Variants in DLG2 observed in about 807,000 individuals in gnomAD.
DLG2 encodes discs large MAGUK scaffold protein 2.
Under a neutral mutation model 132.5 loss-of-function variants are expected in DLG2, and 45 were observed. That is an observed-to-expected ratio of 0.34 (90% CI 0.27 to 0.44). The LOEUF is 0.44. Ranked by LOEUF, DLG2 falls within the 20% of genes least tolerant of loss-of-function variation. The probability of loss-of-function intolerance (pLI) is 1.00; values close to 1 mark genes in which losing one functional copy is unlikely to be tolerated. For synonymous variants in DLG2, 424 were observed against 419.6 expected, an observed-to-expected ratio of 1.01 and a Z score of -0.13; for missense variants, 1,045 against 1,196.9, an observed-to-expected ratio of 0.87 and a Z score of 1.87.
At chr11:85,405,411 G>C (rs979837482) in intron 3 of DLG2, among the ~76,000 whole-genome samples, 6 of 151,872 alleles carry the variant, frequency 4.0e-5, no homozygotes, top group Non-Finnish European at 8.8e-5. Context: ...AACAGTTAAA[G>C]ACCTAAAAAT....
rs558209562 is a variant in DLG2, at chr11:85,115,035, C to G, written c.283-3300G>C. ...AAAGCAGAGTAAGAGCTGAAAGGTT[C>G]TGTTGTTCTACTGTTCACAGTAAAA... is the stretch of plus-strand genomic sequence containing the variant. On this transcript the variant is annotated intron_variant, in intron 5 of 27. Transcript: ENST00000376104. Among the ~76,000 whole-genome samples, 10 of 151,944 alleles carry G rather than the reference C, an allele frequency of 6.6e-5. No homozygotes were observed. The East Asian group carries it at 1.9e-3, about 29-fold the overall frequency.
intron 6 of DLG2, among the ~76,000 whole-genome samples, chr11:84,600,748 A>G (rs903856022): frequency 6.6e-6 from 1 of 152,178 alleles, no homozygotes; most frequent in Non-Finnish European, 1.5e-5. Context: ...ATTTTTGGGT[A>G]TTTCTTGGAT....
chr11:83,787,582 A>C (rs1271503292), intron 17 of DLG2, among the ~76,000 whole-genome samples: 3 of 151,908 alleles, frequency 2.0e-5, no homozygotes, highest in Non-Finnish European at 2.9e-5. Context: ...CGGCCTCCCA[A>C]AGTGCTGGGA....
At position 83,646,401 on chromosome 11, in the gene DLG2, A is replaced by G. The variant is rs375638715; in HGVS notation, c.1826-13076T>C. ...AGGAAGGAAGGAAGGGAGGGAGGGA[A>G]AGAGAAAGGGAAAGAAGGAAGGAAA... On this transcript the variant is annotated intron_variant, in intron 18 of 27. Transcript: ENST00000376104. Among the ~76,000 whole-genome samples, 36 of 151,842 alleles carry G rather than the reference A, an allele frequency of 2.4e-4. No individual in the cohort carries two copies. In the East Asian group the frequency reaches 6.8e-3, roughly 29 times the overall value.
chr11:84,403,071 A>G (rs1048372278), intron 7 of DLG2, among the ~76,000 whole-genome samples: 2 of 151,686 alleles, frequency 1.3e-5, no homozygotes, highest in African/African-American at 4.9e-5. Context: ...TTAATATCTG[A>G]TATTTCACCA....
intron 3 of DLG2, among the ~76,000 whole-genome samples, chr11:85,529,460 T>A (rs1816302191): frequency 6.6e-6 from 1 of 152,186 alleles, no homozygotes; most frequent in Admixed American, 6.5e-5. Flanking sequence ...TTTATCTTGT[T>A]CACTTGCTAC....
intron 4 of DLG2, among the ~76,000 whole-genome samples, chr11:85,272,455 C>G: frequency 6.6e-6 from 1 of 152,184 alleles, no homozygotes; most frequent in Non-Finnish European, 1.5e-5. Flanking sequence ...TCTGGAAACT[C>G]AGGCAGAAAT....
At position 85,220,637 on chromosome 11, in the gene DLG2, A is replaced by AAT. The variant is rs1554992640; in HGVS notation, c.186+64581_186+64582dup. Among the ~76,000 whole-genome samples, 200 of 148,310 alleles carry AAT rather than the reference A, an allele frequency of 1.3e-3. 1 individual carries two copies. The highest frequency in any genetic ancestry group is 4.4e-3 in the East Asian group (22 of 5,048). ...GTTTATTATATCAAATAGAAAAAAA[A>AAT]ATATATATATATATATAACTTTATT... is the stretch of plus-strand genomic sequence containing the variant. On this transcript the variant is annotated intron_variant, in intron 4 of 27. Transcript: ENST00000376104.
At chr11:85,316,972 G>C (rs1347146956) in intron 3 of DLG2, among the ~76,000 whole-genome samples, 1 of 151,840 alleles carries the variant, frequency 6.6e-6, no homozygotes, top group East Asian at 1.9e-4. Flanking sequence ...ATACAACATA[G>C]CACAACTGGG....
At chr11:85,419,838 T>C (rs1455387952) in intron 3 of DLG2, among the ~76,000 whole-genome samples, 1 of 152,228 alleles carries the variant, frequency 6.6e-6, no homozygotes, top group Non-Finnish European at 1.5e-5. Context: ...CATCTAACCT[T>C]TTTTCAAAGT....
At chr11:84,652,992 C>G (rs190082866) in intron 6 of DLG2, among the ~76,000 whole-genome samples, 2 of 149,100 alleles carry the variant, frequency 1.3e-5, no homozygotes, top group Admixed American at 6.7e-5. Flanking sequence ...AGTGCAGTGG[C>G]GTGATCTCAA....
chr11:84,798,645 A>G (rs910971414), intron 6 of DLG2, among the ~76,000 whole-genome samples: 12 of 152,246 alleles, frequency 7.9e-5, no homozygotes, highest in East Asian at 1.9e-4. Context: ...AGGAACCCCA[A>G]TAGCCTGCTT....
intron 6 of DLG2, among the ~76,000 whole-genome samples, chr11:84,992,994 T>C (rs1319148175): frequency 2.0e-5 from 3 of 152,196 alleles, no homozygotes; most frequent in Non-Finnish European, 4.4e-5. Context: ...ATTGCAGCAC[T>C]ACATACAATA....
At chr11:83,523,516 C>T (rs1366174472) in intron 21 of DLG2, among the ~76,000 whole-genome samples, 1 of 152,128 alleles carries the variant, frequency 6.6e-6, no homozygotes, top group Admixed American at 6.6e-5. Flanking sequence ...CCCAGCTCTG[C>T]CACTTACTAG....
chr11:83,886,499 G>A lies in DLG2; in HGVS notation c.1497-12011C>T, dbSNP rs188115531. 9.1e-4 allele frequency among the ~76,000 whole-genome samples: 139 copies of A among 152,140 alleles called. 2 individuals carry two copies. The highest frequency in any genetic ancestry group is 3.2e-3 in the African/African-American group (133 of 41,480). On this transcript the variant is annotated intron_variant, in intron 15 of 27. Coordinates refer to ENST00000376104, the MANE Select transcript of DLG2 (RefSeq NM_001142699.3). ...CTTAGACTCCCACACAATAATAATGGGAGACTTTAACACCCCACTGTCAAC... is the reference window on the plus strand; with the variant it reads ...CTTAGACTCCCACACAATAATAATGAGAGACTTTAACACCCCACTGTCAAC...
chr11:85,584,068 A>C (rs1226828351), intron 3 of DLG2, among the ~76,000 whole-genome samples: 1 of 152,064 alleles, frequency 6.6e-6, no homozygotes, highest in African/African-American at 2.4e-5. Flanking sequence ...TGGAAAAGTA[A>C]TTTAGTGGTG....
At chr11:85,228,185 G>A (rs1420099282) in intron 4 of DLG2, among the ~76,000 whole-genome samples, 1 of 152,016 alleles carries the variant, frequency 6.6e-6, no homozygotes, top group Non-Finnish European at 1.5e-5. Flanking sequence ...ATAGTAGCTA[G>A]TGCATAGTAG....
intron 6 of DLG2, among the ~76,000 whole-genome samples, chr11:84,664,030 G>A (rs1296367060): frequency 6.6e-6 from 1 of 152,148 alleles, no homozygotes; most frequent in Admixed American, 6.5e-5. Flanking sequence ...TAATCTCAAA[G>A]TAAAGTTACA....
intron 6 of DLG2, chr11:84,923,363 A>G (rs1591362261): frequency 8.6e-7 from 1 of 1,156,098 alleles, no homozygotes; most frequent in African/African-American, 1.6e-5. Flanking sequence ...ATGAGAATTC[A>G]GCGTCTGAAA....
Sources: gnomAD v4.1 joint callset for allele counts (sites outside exome capture counted in the v4.1 genomes callset) on GRCh38, gnomAD v4.1.1 for gene constraint, MANE v1.5 for transcripts, NCBI Gene and HGNC (gene_info 2026-07-23, HGNC 2026-07-21) for gene names.